The following CA8 variants were observed in gnomAD, a reference collection of about 807,000 sequenced individuals.
The protein encoded by CA8 is carbonic anhydrase-related protein.
In CA8, 22 loss-of-function variants were observed where a neutral mutation model predicts 41.4. That is an observed-to-expected ratio of 0.53 (90% CI 0.38 to 0.76). CA8 has a LOEUF of 0.76. Among genes scored for constraint, CA8 ranks in the 30% least tolerant of loss-of-function variants. The pLI is 0.00. For missense variants in CA8, 270 were observed against 352.8 expected (o/e 0.77, Z 1.88); for synonymous variants, 121 against 130.6 (o/e 0.93, Z 0.50).
At chr8:60,237,119 T>G (rs997762513) in intron 3 of CA8, among the ~76,000 whole-genome samples, 1 of 152,200 alleles carries the variant, frequency 6.6e-6, no homozygotes, top group Admixed American at 6.5e-5. Flanking sequence ...AGAGGCAATG[T>G]GCTCTCATAA....
intron 7 of CA8, among the ~76,000 whole-genome samples, chr8:60,221,579 G>A (rs927462753): frequency 9.2e-5 from 14 of 152,178 alleles, no homozygotes; most frequent in Non-Finnish European, 1.8e-4. Flanking sequence ...ATCTAATCAT[G>A]TGGAGAACAG....
At chr8:60,256,019 C>CA (rs1808623798) in intron 3 of CA8, among the ~76,000 whole-genome samples, 1 of 149,584 alleles carries the variant, frequency 6.7e-6, no homozygotes, top group Non-Finnish European at 1.5e-5. Context: ...AGCGATTCTC[C>CA]TGTCTCAGCT....
intron 3 of CA8, among the ~76,000 whole-genome samples, chr8:60,242,809 G>A (rs1808081992): frequency 6.6e-6 from 1 of 152,198 alleles, no homozygotes; most frequent in Admixed American, 6.5e-5. Flanking sequence ...TCAGAGAAGT[G>A]GGAGGTTCTC....
intron 8 of CA8, among the ~76,000 whole-genome samples, chr8:60,197,798 G>A (rs188161209): frequency 7.2e-4 from 110 of 152,282 alleles, no homozygotes; most frequent in Non-Finnish European, 7.4e-5. Flanking sequence ...GAAATCAAAG[G>A]TGACCTTTGC....
rs1461235831 is a variant in CA8 at position 60,185,413 on chromosome 8, A to G, written c.*4608T>C. Among the ~76,000 whole-genome samples, 1 of 151,888 alleles carries G rather than the reference A, an allele frequency of 6.6e-6. No homozygotes were observed. The highest frequency in any genetic ancestry group is 6.6e-5 in the Admixed American group (1 of 15,240). ...AGTGGAAATGAATAGTCAAGGAAAT[A>G]ATGGCTCAAACATCCCAAATTTAAT... On this transcript the variant is annotated 3_prime_UTR_variant, in exon 9 of 9. Coordinates refer to ENST00000317995, the MANE Select transcript of CA8 (RefSeq NM_004056.6).
intron 8 of CA8, among the ~76,000 whole-genome samples, chr8:60,193,924 T>C (rs115588452): frequency 0.018 from 2,729 of 152,308 alleles, 36 homozygotes; most frequent in Middle Eastern, 0.048. Flanking sequence ...ACGTGGACGA[T>C]AGACCTCTTA....
intron 7 of CA8, among the ~76,000 whole-genome samples, chr8:60,220,118 C>T (rs189471738): frequency 2.6e-4 from 40 of 151,982 alleles, no homozygotes; most frequent in African/African-American, 9.7e-4. Flanking sequence ...GCCTAACTGG[C>T]GATTATAGCT....
chr8:60,212,714 T>C (rs1481489587), intron 7 of CA8, among the ~76,000 whole-genome samples: 1 of 152,038 alleles, frequency 6.6e-6, no homozygotes, highest in African/African-American at 2.4e-5. Context: ...GTCCTCGAGG[T>C]CTCCTATACA....
Position 60,188,572 on chromosome 8 carries a change from C to T in CA8, c.*1449G>A, listed in dbSNP as rs528249861. The T allele has an allele frequency of 1.3e-5, 2 of 152,300 alleles. No individual in the cohort carries two copies. Among genetic ancestry groups the T allele is most frequent in the South Asian group, 2.1e-4 (1 of 4,822 alleles). 9.4% of individuals were successfully genotyped at this position (152,300 alleles called of 1,614,324 possible). A position where few individuals can be genotyped will look rare whatever the true frequency, so the allele number is the denominator to read the frequency against. On this transcript the variant is annotated 3_prime_UTR_variant, in exon 9 of 9. Coordinates refer to ENST00000317995, the MANE Select transcript of CA8 (RefSeq NM_004056.6). ...TTTTGTAACCATGCTTCACCGTTTC[C>T]TCATTGTTGGACACTAGGAACTGTT...
At chr8:60,270,012 C>T (rs1275866681) in intron 2 of CA8, among the ~76,000 whole-genome samples, 1 of 152,156 alleles carries the variant, frequency 6.6e-6, no homozygotes, top group Non-Finnish European at 1.5e-5. Flanking sequence ...GAGAAATATT[C>T]TGAGACATGA....
intron 3 of CA8, among the ~76,000 whole-genome samples, chr8:60,233,697 A>C (rs561499741): frequency 1.6e-4 from 25 of 152,210 alleles, no homozygotes; most frequent in Non-Finnish European, 7.3e-5. Flanking sequence ...ACCACCAACA[A>C]AGAAGGTCTA....
At chr8:60,198,615 C>T (rs936903416) in intron 8 of CA8, among the ~76,000 whole-genome samples, 2 of 152,086 alleles carry the variant, frequency 1.3e-5, no homozygotes, top group African/African-American at 4.8e-5. Flanking sequence ...GATTGACTAT[C>T]TAATTACTTC....
chr8:60,235,357 A>G (rs1165422037), intron 3 of CA8, among the ~76,000 whole-genome samples: 6 of 152,158 alleles, frequency 3.9e-5, no homozygotes, highest in Non-Finnish European at 8.8e-5. Flanking sequence ...GGCATGCCTA[A>G]TGACCTCCTT....
At chr8:60,216,674 T>C (rs1200273626) in intron 7 of CA8, among the ~76,000 whole-genome samples, 3 of 152,174 alleles carry the variant, frequency 2.0e-5, no homozygotes, top group African/African-American at 7.2e-5. Flanking sequence ...CGATGGTCTG[T>C]CTCTGGATCT....
intron 7 of CA8, among the ~76,000 whole-genome samples, chr8:60,222,437 A>G (rs779000060): frequency 1.4e-4 from 21 of 152,180 alleles, no homozygotes; most frequent in Non-Finnish European, 7.4e-5. Context: ...CTCTCTAAAG[A>G]CTAACTTTTA....
intron 4 of CA8, among the ~76,000 whole-genome samples, chr8:60,231,735 A>G (rs952196656): frequency 3.9e-5 from 6 of 152,206 alleles, no homozygotes; most frequent in African/African-American, 1.2e-4. Context: ...GCCTGCTTTC[A>G]TATGTTTGGG....
chr8:60,196,315 A>G (rs1806280479), intron 8 of CA8, among the ~76,000 whole-genome samples: 1 of 152,182 alleles, frequency 6.6e-6, no homozygotes, highest in South Asian at 2.1e-4. Context: ...TGTGCATTTT[A>G]CCATAGCTCA....
chr8:60,208,139 AG>A, intron 8 of CA8: 1 of 152,690 alleles, frequency 6.5e-6, no homozygotes, highest in South Asian at 2.1e-4. Flanking sequence ...CTTAAGAGTA[AG>A]GAATACATAC....
Position 60,216,228 on chromosome 8 carries a change from C to T in CA8, c.738+6421G>A, listed in dbSNP as rs1340074038. 2.6e-5 allele frequency among the ~76,000 whole-genome samples: 4 copies of T among 152,220 alleles called. No homozygotes were observed. In the East Asian group the frequency reaches 5.8e-4, roughly 22 times the overall value. On this transcript the variant is annotated intron_variant, in intron 7 of 8. Coordinates refer to ENST00000317995, the MANE Select transcript of CA8 (RefSeq NM_004056.6). Reference sequence around the variant, plus strand: ...TTGGACCTTTTCCATTTTTACTCTGCTTCCTGTGAAATTCTATGAGCAGCA... The same window carrying T: ...TTGGACCTTTTCCATTTTTACTCTGTTTCCTGTGAAATTCTATGAGCAGCA...
Sources: gnomAD v4.1 joint callset for allele counts (sites outside exome capture counted in the v4.1 genomes callset) on GRCh38, gnomAD v4.1.1 for gene constraint, MANE v1.5 for transcripts, NCBI Gene and HGNC (gene_info 2026-07-23, HGNC 2026-07-21) for gene names.